The following SLC9C1 variants were observed in gnomAD, a reference collection of about 807,000 sequenced individuals.
SLC9C1 encodes the protein solute carrier family 9 member C1.
Under a neutral mutation model 140.9 loss-of-function variants are expected in SLC9C1, and 97 were observed. The ratio of observed to expected loss-of-function variants is 0.69; its 90% CI spans 0.58 to 0.82. SLC9C1 has a LOEUF of 0.82. Among genes scored for constraint, SLC9C1 ranks in the 40% least tolerant of loss-of-function variants. The pLI is 0.00. For synonymous variants in SLC9C1, 440 were observed against 442.6 expected (o/e 0.99, Z 0.07); for missense variants, 1,340 against 1,389.3 (o/e 0.96, Z 0.56).
At chr3:112,211,077 TTTG>T (rs2078189190) in intron 15 of SLC9C1, among the ~76,000 whole-genome samples, 1 of 152,232 alleles carries the variant, frequency 6.6e-6, no homozygotes, top group South Asian at 2.1e-4. Flanking sequence ...ACAGATTATT[TTTG>T]TTTTCTTACT....
intron 10 of SLC9C1, among the ~76,000 whole-genome samples, chr3:112,252,233 A>G (rs2079480253): frequency 6.6e-6 from 1 of 151,980 alleles, no homozygotes; most frequent in Admixed American, 6.6e-5. Flanking sequence ...GTCCCCCAGA[A>G]CAGTGCAGCT....
intron 12 of SLC9C1, among the ~76,000 whole-genome samples, chr3:112,237,787 C>T (rs1016667012): frequency 5.9e-5 from 9 of 152,198 alleles, no homozygotes; most frequent in African/African-American, 2.2e-4. Flanking sequence ...TATTGGCCCC[C>T]ACTCTGTTCT....
In SLC9C1 at chr3:112,204,291, T is replaced by A. The variant is rs1026427045; in HGVS notation, c.2099A>T (p.Tyr700Phe). The A allele has an allele frequency of 4.0e-5, 63 of 1,556,668 alleles. No individual in the cohort carries two copies. The highest frequency in any genetic ancestry group is 5.0e-5 in the Non-Finnish European group (58 of 1,160,180). ...TATTACTTCAGTCTCATTAAAAATA[T>A]ACTTAATGGTGTCTATTTCAATAAG... The part of the protein sequence containing the change: ...VILIEIDTIK[Y>F]IFNETEVIVF... The change falls in exon 17 of 29, where the codon TAT (tyrosine) becomes TTT (phenylalanine). Residue 700 changes from tyrosine to phenylalanine, a missense_variant. Transcript: ENST00000305815.
chr3:112,225,302 C>T (rs1165924494), intron 13 of SLC9C1, among the ~76,000 whole-genome samples: 1 of 152,090 alleles, frequency 6.6e-6, no homozygotes, highest in East Asian at 1.9e-4. Flanking sequence ...CTTCAGAAAT[C>T]AAGTGTTTCC....
intron 25 of SLC9C1, among the ~76,000 whole-genome samples, chr3:112,167,895 T>C (rs1004986529): frequency 6.6e-5 from 10 of 152,108 alleles, no homozygotes; most frequent in African/African-American, 1.9e-4. Context: ...CTCTGTTACA[T>C]GTTCAAGGAT....
At chr3:112,208,142 T>C in intron 16 of SLC9C1, 36 bp downstream of exon 16, 1 of 1,470,190 alleles carries the variant, frequency 6.8e-7, no homozygotes, top group Non-Finnish European at 9.1e-7. Flanking sequence ...CTGTCAGACA[T>C]ATAACACTTC....
In SLC9C1 at chr3:112,190,828, A is replaced by G. The variant is rs188828137; in HGVS notation, c.2523+8493T>C. On this transcript the variant is annotated intron_variant, in intron 20 of 28. Coordinates refer to ENST00000305815, the MANE Select transcript of SLC9C1 (RefSeq NM_183061.3). ...GCTATCAGTACTTTGTGTGTAATAC[A>G]TGTTACAAATGTTATTTTCCATGTT... 7.9e-3 allele frequency among the ~76,000 whole-genome samples: 1,202 copies of G among 152,042 alleles called. 14 individuals carry two copies. Among genetic ancestry groups the G allele is most frequent in the African/African-American group, 0.027 (1,137 of 41,524 alleles).
chr3:112,232,971 C>G, intron 12 of SLC9C1, among the ~76,000 whole-genome samples: 1 of 150,278 alleles, frequency 6.7e-6, no homozygotes. Flanking sequence ...AAACAAAGAC[C>G]CCTGACCCCT....
intron 26 of SLC9C1, among the ~76,000 whole-genome samples, 196 bp from the exon 27 acceptor site, chr3:112,155,245 T>C (rs546742041): frequency 5.1e-4 from 78 of 152,266 alleles, no homozygotes; most frequent in African/African-American, 1.8e-3. Flanking sequence ...ATGGAGATGA[T>C]ATAATAAATG....
At chr3:112,186,433 A>T (rs2077541485) in intron 20 of SLC9C1, among the ~76,000 whole-genome samples, 1 of 152,226 alleles carries the variant, frequency 6.6e-6, no homozygotes, top group African/African-American at 2.4e-5. Flanking sequence ...CTACACAGAA[A>T]AAAAACAAAA....
chr3:112,257,170 A>C (rs1160894874), intron 10 of SLC9C1, among the ~76,000 whole-genome samples: 1 of 152,144 alleles, frequency 6.6e-6, no homozygotes, highest in African/African-American at 2.4e-5. Flanking sequence ...TCAAACTAAC[A>C]ATGACATTCA....
At position 112,182,276 on chromosome 3, in the gene SLC9C1, A is replaced by T; in HGVS notation, c.2524-18T>A. On this transcript the variant is annotated intron_variant, in intron 20 of 28. Transcript: ENST00000305815. ...ATGATTAACTAAAACATAAAATTTA[A>T]GAAAAGGGATGAACCAAACTGCTGT... 1 of 1,592,036 alleles carries T rather than the reference A, an allele frequency of 6.3e-7. No homozygotes were observed.
chr3:112,198,112 C>T (rs1021572690), intron 20 of SLC9C1, among the ~76,000 whole-genome samples: 12 of 151,914 alleles, frequency 7.9e-5, no homozygotes, highest in Admixed American at 2.0e-4. Context: ...ATGATTAATA[C>T]CTACTCTACA....
chr3:112,154,528 C>T (rs951997043), intron 27 of SLC9C1, among the ~76,000 whole-genome samples: 9 of 152,042 alleles, frequency 5.9e-5, no homozygotes, highest in South Asian at 4.1e-4. Context: ...TTAGGTTAGC[C>T]GGGATATATT....
rs1560003401 is a variant in SLC9C1, at chr3:112,150,813, TACATATACATATATATATATATATA to T, written c.3524+1019_3524+1043del. 4.7e-3 allele frequency among the ~76,000 whole-genome samples: 178 copies of T among 37,824 alleles called. 1 individual carries two copies. The highest frequency in any genetic ancestry group is 0.027 in the South Asian group (18 of 676). The allele number at this position is 37,824 out of a possible 152,430, so 24.8% of individuals were successfully genotyped here. ...ATATACATATATATATATATATAAA[TACATATACATATATATATATATATA>T]TATTTTTTTTTTTTTTTGAGATGAA... On this transcript the variant is annotated intron_variant, in intron 28 of 28. Transcript: ENST00000305815.
At chr3:112,172,602 G>C (rs1001389087) in intron 23 of SLC9C1, among the ~76,000 whole-genome samples, 3 of 152,000 alleles carry the variant, frequency 2.0e-5, no homozygotes, top group Non-Finnish European at 2.9e-5. Flanking sequence ...GAAGTGGTGA[G>C]AGTGGACATT....
At chr3:112,194,417 T>G (rs1049896692) in intron 20 of SLC9C1, among the ~76,000 whole-genome samples, 2 of 152,190 alleles carry the variant, frequency 1.3e-5, no homozygotes, top group Non-Finnish European at 2.9e-5. Flanking sequence ...GCTTTAGTTT[T>G]CTCCCCTCAA....
chr3:112,188,617 T>C (rs560251717), intron 20 of SLC9C1, among the ~76,000 whole-genome samples: 2 of 152,354 alleles, frequency 1.3e-5, no homozygotes, highest in East Asian at 3.9e-4. Context: ...TGCCACATTT[T>C]CTTAATCCAG....
At chr3:112,206,800 A>C (rs541034297) in intron 16 of SLC9C1, among the ~76,000 whole-genome samples, 2 of 147,754 alleles carry the variant, frequency 1.4e-5, no homozygotes, top group African/African-American at 5.0e-5. Context: ...CAATCAGAAC[A>C]CCTGGACACA....
Sources: gnomAD v4.1 joint callset for allele counts (sites outside exome capture counted in the v4.1 genomes callset) on GRCh38, gnomAD v4.1.1 for gene constraint, MANE v1.5 for transcripts, NCBI Gene and HGNC (gene_info 2026-07-23, HGNC 2026-07-21) for gene names.